Variants in ANKS4B observed in about 807,000 individuals in gnomAD.
ANKS4B encodes the protein ankyrin repeat and SAM domain-containing protein 4B.
ANKS4B carries 21 observed loss-of-function variants against 20.2 expected under a neutral mutation model. The observed-to-expected ratio is 1.04, with a 90% CI of 0.74 to 1.50. The LOEUF (loss-of-function observed/expected upper bound fraction) is 1.50, where lower values mean the gene tolerates loss of function less well. Ranked by LOEUF, ANKS4B falls within the 40% of genes most tolerant of loss-of-function variation. The pLI, the probability that ANKS4B is intolerant of heterozygous loss-of-function variation, is 0.00. For synonymous variants in ANKS4B, 179 were observed against 194.5 expected, an observed-to-expected ratio of 0.92 and a Z score of 0.66; for missense variants, 473 against 494.6, an observed-to-expected ratio of 0.96 and a Z score of 0.41.
chr16:21,238,724 A>C lies in ANKS4B; in HGVS notation c.164+4823A>C, dbSNP rs367602633. On this transcript the variant is annotated intron_variant, in intron 1 of 1. Transcript: ENST00000311620. ...CTTTCTCCACTAAGTTGACATGGTAACATCATTTCTTTCAATGTAATATAA... is the reference window on the plus strand; with the variant it reads ...CTTTCTCCACTAAGTTGACATGGTACCATCATTTCTTTCAATGTAATATAA... The C allele has an allele frequency of 1.6e-4, 25 of 152,334 alleles. No homozygotes were observed. In the East Asian group the frequency reaches 3.3e-3, roughly 20 times the overall value. 9.4% of individuals were successfully genotyped at this position (152,334 alleles called of 1,614,324 possible).
rs140753146 is a variant in ANKS4B at position 21,233,947 on chromosome 16, G to A, written c.164+46G>A. ...TCTGTTGGAAACAGTGTTCATGGTAGGTTTTTGCAGACAGCAGCAAGAGGC... is the reference window on the plus strand; with the variant it reads ...TCTGTTGGAAACAGTGTTCATGGTAAGTTTTTGCAGACAGCAGCAAGAGGC... On this transcript the variant is annotated intron_variant, in intron 1 of 1. Coordinates refer to ENST00000311620, the MANE Select transcript of ANKS4B (RefSeq NM_145865.3). 6.8e-4 allele frequency: 1,062 copies of A among 1,550,908 alleles called. 2 individuals carry two copies. Among genetic ancestry groups the A allele is most frequent in the Non-Finnish European group, 8.7e-4 (992 of 1,138,388 alleles).
chr16:21,248,893 C>G (rs969860582), intron 1 of ANKS4B, among the ~76,000 whole-genome samples: 6 of 152,180 alleles, frequency 3.9e-5, no homozygotes, highest in African/African-American at 1.4e-4. Flanking sequence ...TGGTACGCTA[C>G]TGTGTATCTC....
chr16:21,236,296 C>G (rs572144634), intron 1 of ANKS4B, among the ~76,000 whole-genome samples: 19 of 152,184 alleles, frequency 1.2e-4, no homozygotes, highest in South Asian at 2.1e-4. Context: ...AGAAATTCGC[C>G]CCCACGATCC....
intron 1 of ANKS4B, among the ~76,000 whole-genome samples, chr16:21,246,896 G>C (rs539381776): frequency 1.3e-5 from 2 of 152,214 alleles, no homozygotes; most frequent in East Asian, 1.9e-4. Flanking sequence ...AGGGATTCCC[G>C]TGGAGTAACT....
intron 1 of ANKS4B, among the ~76,000 whole-genome samples, chr16:21,241,062 G>C (rs2093325950): frequency 1.3e-5 from 2 of 152,038 alleles, no homozygotes; most frequent in African/African-American, 4.8e-5. Context: ...CCAAATTGTT[G>C]GGATTACAGG....
rs1285636153 is a variant in ANKS4B, at chr16:21,253,258, A to G, written c.*2438A>G. 6.6e-6 allele frequency: 1 copy of G among 152,174 alleles called. No homozygotes were observed. Among genetic ancestry groups the G allele is most frequent in the Non-Finnish European group, 1.5e-5 (1 of 68,014 alleles). The allele number at this position is 152,174 out of a possible 1,614,324, so 9.4% of individuals were successfully genotyped here. A position where few individuals can be genotyped will look rare whatever the true frequency, so the allele number is the denominator to read the frequency against. On this transcript the variant is annotated 3_prime_UTR_variant, in exon 2 of 2. Transcript: ENST00000311620. ...ATCTGTTTGGGTTACTTCAAGAGGCATCATGGAGGATTCAAGTTTAGGGAG... is the reference window on the plus strand; with the variant it reads ...ATCTGTTTGGGTTACTTCAAGAGGCGTCATGGAGGATTCAAGTTTAGGGAG...
chr16:21,239,041 A>C (rs1226608252), intron 1 of ANKS4B: 2 of 152,230 alleles, frequency 1.3e-5, no homozygotes, highest in Non-Finnish European at 2.9e-5. Context: ...GATTTAAGGA[A>C]GCTGAAAAGG....
rs1317040926 is a variant in ANKS4B at position 21,252,878 on chromosome 16, G to C, written c.*2058G>C. 1 of 152,062 alleles carries C rather than the reference G, an allele frequency of 6.6e-6. No homozygotes were observed. Among genetic ancestry groups the C allele is most frequent in the Non-Finnish European group, 1.5e-5 (1 of 68,046 alleles). 9.4% of individuals were successfully genotyped at this position (152,062 alleles called of 1,614,324 possible). ...GTCTCTACTAAAAATACAAAAATTA[G>C]CCAGGTGTGGTGGCGTGTGCCTGTA... is the stretch of plus-strand genomic sequence containing the variant. On this transcript the variant is annotated 3_prime_UTR_variant, in exon 2 of 2. Coordinates refer to ENST00000311620, the MANE Select transcript of ANKS4B (RefSeq NM_145865.3).
chr16:21,237,681 A>G (rs763649706), intron 1 of ANKS4B, among the ~76,000 whole-genome samples: 3 of 152,198 alleles, frequency 2.0e-5, no homozygotes, highest in Non-Finnish European at 2.9e-5. Flanking sequence ...TCATGACTCA[A>G]TCGTCTCCTA....
At chr16:21,246,293 G>A (rs2093332184) in intron 1 of ANKS4B, among the ~76,000 whole-genome samples, 1 of 152,126 alleles carries the variant, frequency 6.6e-6, no homozygotes, top group Admixed American at 6.6e-5. Context: ...GGAGAACAAA[G>A]GAAGGAGAAA....
At chr16:21,246,801 C>T (rs2093332871) in intron 1 of ANKS4B, among the ~76,000 whole-genome samples, 1 of 152,160 alleles carries the variant, frequency 6.6e-6, no homozygotes, top group South Asian at 2.1e-4. Context: ...TGATTCTTGC[C>T]TGCCTTCTCT....
At position 21,245,919 on chromosome 16, in the gene ANKS4B, A is replaced by T. The variant is rs565194917; in HGVS notation, c.165-3812A>T. 9.2e-5 allele frequency among the ~76,000 whole-genome samples: 14 copies of T among 152,366 alleles called. No homozygotes were observed. In the South Asian group the frequency reaches 2.5e-3, roughly 27 times the overall value. On this transcript the variant is annotated intron_variant, in intron 1 of 1. Transcript: ENST00000311620. Reference sequence around the variant, plus strand: ...GTTTATTCAATATTTACTATGTGCCAAGCAGTTTTCCAATGCTTTATGTAG... The same window carrying T: ...GTTTATTCAATATTTACTATGTGCCTAGCAGTTTTCCAATGCTTTATGTAG...
At chr16:21,245,532 G>A (rs944020423) in intron 1 of ANKS4B, among the ~76,000 whole-genome samples, 5 of 152,020 alleles carry the variant, frequency 3.3e-5, no homozygotes, top group South Asian at 2.1e-4. Flanking sequence ...GGAGTGCGGC[G>A]GCGCAATCTC....
intron 1 of ANKS4B, among the ~76,000 whole-genome samples, chr16:21,240,450 C>T (rs150900744): frequency 0.015 from 2,271 of 152,036 alleles, 64 homozygotes; most frequent in African/African-American, 0.052. Context: ...CACCACACCC[C>T]GCTAATTTTT....
chr16:21,248,231 C>T (rs985727059), intron 1 of ANKS4B, among the ~76,000 whole-genome samples: 2 of 151,348 alleles, frequency 1.3e-5, no homozygotes, highest in Admixed American at 1.3e-4. Context: ...TGTTATGTTT[C>T]CCAGGCTGGT....
intron 1 of ANKS4B, chr16:21,238,778 T>C (rs2093323174): frequency 1.3e-5 from 2 of 152,202 alleles, no homozygotes; most frequent in South Asian, 2.1e-4. Context: ...TTGCTTATAT[T>C]AATATTTATT....
Position 21,250,777 on chromosome 16 carries a change from A to T in ANKS4B, c.1211A>T (p.Gln404Leu). 2 of 1,601,858 alleles carry T rather than the reference A, an allele frequency of 1.2e-6. No individual in the cohort carries two copies. Among genetic ancestry groups the T allele is most frequent in the Non-Finnish European group, 1.7e-6 (2 of 1,170,164 alleles). Reference sequence around the variant, plus strand: ...CTGAATGCTATCAACAGGAGGAAGCAGGTGCTTCAACAGCCTGGGCAGCTG... The same window carrying T: ...CTGAATGCTATCAACAGGAGGAAGCTGGTGCTTCAACAGCCTGGGCAGCTG... Reference protein sequence around the residue: ...KVLNAINRRKQVLQQPGQLVD... With the variant: ...KVLNAINRRKLVLQQPGQLVD... Residue 404 changes from glutamine to leucine, a missense_variant, in exon 2 of 2, where the codon CAG becomes CTG. Physicochemically the swap from Gln to Leu is moderately radical, Grantham distance 113. Transcript: ENST00000311620.
intron 1 of ANKS4B, among the ~76,000 whole-genome samples, chr16:21,239,640 G>A (rs1371805672): frequency 6.6e-6 from 1 of 152,152 alleles, no homozygotes; most frequent in Non-Finnish European, 1.5e-5. Flanking sequence ...TGTCACAATA[G>A]CAAAGACATG....
At position 21,251,441 on chromosome 16, in the gene ANKS4B, T is replaced by C. The variant is rs1199830518; in HGVS notation, c.*621T>C. The C allele has an allele frequency of 6.6e-6, 1 of 152,238 alleles. No homozygotes were observed. Among genetic ancestry groups the C allele is most frequent in the African/African-American group, 2.4e-5 (1 of 41,458 alleles). The allele number at this position is 152,238 out of a possible 1,614,324, so 9.4% of individuals were successfully genotyped here. A position where few individuals can be genotyped will look rare whatever the true frequency, so the allele number is the denominator to read the frequency against. On this transcript the variant is annotated 3_prime_UTR_variant, in exon 2 of 2. Transcript: ENST00000311620. Reference sequence around the variant, plus strand: ...ATACTTTTGAATAAAGAAAGGGTCATATGCATGACAGGAAAATGAAAGAAA... The same window carrying C: ...ATACTTTTGAATAAAGAAAGGGTCACATGCATGACAGGAAAATGAAAGAAA...
Sources: gnomAD v4.1 joint callset for allele counts (sites outside exome capture counted in the v4.1 genomes callset) on GRCh38, gnomAD v4.1.1 for gene constraint, MANE v1.5 for transcripts, NCBI Gene and HGNC (gene_info 2026-07-23, HGNC 2026-07-21) for gene names.